The following GABBR2 variants were observed in gnomAD, a reference collection of about 807,000 sequenced individuals.
The protein encoded by GABBR2 is G-protein coupled receptor 51.
Under a neutral mutation model 105.6 loss-of-function variants are expected in GABBR2, and 23 were observed. The observed-to-expected ratio is 0.22, with a 90% CI of 0.16 to 0.31. The LOEUF (loss-of-function observed/expected upper bound fraction) is 0.31, where lower values mean the gene tolerates loss of function less well. GABBR2 is among the 10% of genes least tolerant of loss of function. The probability of loss-of-function intolerance (pLI) is 1.00; values close to 1 mark genes in which losing one functional copy is unlikely to be tolerated. For missense variants in GABBR2, 734 were observed against 1,245.5 expected (o/e 0.59, Z 6.18); for synonymous variants, 478 against 499.7 (o/e 0.96, Z 0.58).
intron 3 of GABBR2, among the ~76,000 whole-genome samples, chr9:98,501,677 C>T (rs1024791610): frequency 1.3e-5 from 2 of 152,110 alleles, no homozygotes; most frequent in Non-Finnish European, 2.9e-5. Flanking sequence ...ACCACAGGCA[C>T]GGGCTGATGG....
intron 11 of GABBR2, among the ~76,000 whole-genome samples, chr9:98,377,982 A>C (rs776995005): frequency 2.0e-5 from 3 of 152,184 alleles, no homozygotes; most frequent in Non-Finnish European, 4.4e-5. Flanking sequence ...GCATGTTACC[A>C]TGGCCAGCCA....
intron 1 of GABBR2, among the ~76,000 whole-genome samples, chr9:98,617,676 C>T (rs950423391): frequency 1.3e-5 from 2 of 152,158 alleles, no homozygotes; most frequent in Non-Finnish European, 2.9e-5. Context: ...TCTCCAGTCA[C>T]GATCCTGAGA....
intron 11 of GABBR2, among the ~76,000 whole-genome samples, chr9:98,371,807 C>A (rs956330150): frequency 2.7e-4 from 41 of 152,362 alleles, no homozygotes; most frequent in African/African-American, 9.9e-4. Flanking sequence ...TCAAACCATG[C>A]CTTAGATGGG....
At chr9:98,493,560 A>AT (rs1339481770) in intron 4 of GABBR2, among the ~76,000 whole-genome samples, 1 of 152,056 alleles carries the variant, frequency 6.6e-6, no homozygotes, top group Non-Finnish European at 1.5e-5. Flanking sequence ...CACCTTACTG[A>AT]TTTTTATATT....
At chr9:98,431,497 C>A (rs182723036) in intron 7 of GABBR2, among the ~76,000 whole-genome samples, 8 of 151,654 alleles carry the variant, frequency 5.3e-5, no homozygotes, top group African/African-American at 1.2e-4. Flanking sequence ...GAAAAAAAAA[C>A]CCACATAAGC....
chr9:98,350,068 G>A (rs1831369958), intron 13 of GABBR2, among the ~76,000 whole-genome samples: 1 of 151,470 alleles, frequency 6.6e-6, no homozygotes, highest in Non-Finnish European at 1.5e-5. Flanking sequence ...GTGATCCTCT[G>A]TATTTCTGTG....
chr9:98,700,964 T>C (rs1830822739), intron 1 of GABBR2, among the ~76,000 whole-genome samples: 1 of 152,200 alleles, frequency 6.6e-6, no homozygotes, highest in Non-Finnish European at 1.5e-5. Flanking sequence ...ATAAATAATC[T>C]TACTGTGTTA....
intron 12 of GABBR2, among the ~76,000 whole-genome samples, chr9:98,365,460 C>T (rs1015921801): frequency 2.6e-5 from 4 of 152,136 alleles, no homozygotes; most frequent in South Asian, 2.1e-4. Flanking sequence ...TGGATGGGTG[C>T]GTGGTGGGAA....
At chr9:98,412,723 T>C (rs1832611850) in intron 7 of GABBR2, among the ~76,000 whole-genome samples, 1 of 152,154 alleles carries the variant, frequency 6.6e-6, no homozygotes, top group African/African-American at 2.4e-5. Context: ...TCCCTCCAAG[T>C]TTCTGTGTAA....
intron 13 of GABBR2, among the ~76,000 whole-genome samples, chr9:98,334,468 A>C (rs1055443893): frequency 2.0e-5 from 3 of 152,208 alleles, no homozygotes; most frequent in African/African-American, 4.8e-5. Flanking sequence ...ACTCAGCTTT[A>C]GTTTCCTCTG....
At position 98,389,993 on chromosome 9, in the gene GABBR2, A is replaced by G. The variant is rs74640645; in HGVS notation, c.1379-989T>C. ...TCTCTTCCCAGGAGACAAGCAGGAAAGGGGCAGATGTGGTAGCAGGGAGTG... is the reference window on the plus strand; with the variant it reads ...TCTCTTCCCAGGAGACAAGCAGGAAGGGGGCAGATGTGGTAGCAGGGAGTG... On this transcript the variant is annotated intron_variant, in intron 9 of 18. Coordinates refer to ENST00000259455, the MANE Select transcript of GABBR2 (RefSeq NM_005458.8). Among the ~76,000 whole-genome samples, 78 of 152,234 alleles carry G rather than the reference A, an allele frequency of 5.1e-4. No individual in the cohort carries two copies. The East Asian group carries it at 0.015, about 28-fold the overall frequency.
chr9:98,577,373 G>C lies in GABBR2; in HGVS notation c.459+562C>G, dbSNP rs554038532. Among the ~76,000 whole-genome samples the C allele has an allele frequency of 1.3e-4, 20 of 152,350 alleles. 1 individual carries two copies. In the South Asian group the frequency reaches 3.9e-3, roughly 30 times the overall value. ...TATATATGTTGGTGGAGCATTCAAT[G>C]ATGTATAAAATCTGCCAGGGCAAAG... On this transcript the variant is annotated intron_variant, in intron 2 of 18. Coordinates refer to ENST00000259455, the MANE Select transcript of GABBR2 (RefSeq NM_005458.8).
chr9:98,291,941 G>T (rs1647495761), intron 18 of GABBR2, among the ~76,000 whole-genome samples: 1 of 152,212 alleles, frequency 6.6e-6, no homozygotes, highest in African/African-American at 2.4e-5. Context: ...AGCTGGGTGT[G>T]GGTTAGCACG....
intron 6 of GABBR2, among the ~76,000 whole-genome samples, chr9:98,457,000 T>A (rs1826335537): frequency 6.6e-6 from 1 of 152,264 alleles, no homozygotes; most frequent in Non-Finnish European, 1.5e-5. Flanking sequence ...CATCTTTTAC[T>A]ACTTGGCTGT....
rs181220404 is a variant in GABBR2 at position 98,465,478 on chromosome 9, T to G, written c.999+7668A>C. Among the ~76,000 whole-genome samples, 588 of 152,288 alleles carry G rather than the reference T, an allele frequency of 3.9e-3. 9 individuals are homozygous for G. The highest frequency in any genetic ancestry group is 2.8e-3 in the Non-Finnish European group (193 of 68,028). ...GGAAAATATCTTCATAGCCTTTGAGTGGGTTCTATTAAAGAATTTCTGTTC... is the reference window on the plus strand; with the variant it reads ...GGAAAATATCTTCATAGCCTTTGAGGGGGTTCTATTAAAGAATTTCTGTTC... On this transcript the variant is annotated intron_variant, in intron 6 of 18. Coordinates refer to ENST00000259455, the MANE Select transcript of GABBR2 (RefSeq NM_005458.8).
intron 1 of GABBR2, among the ~76,000 whole-genome samples, chr9:98,584,729 C>T (rs765092692): frequency 2.0e-5 from 3 of 152,054 alleles, no homozygotes; most frequent in Non-Finnish European, 4.4e-5. Context: ...TTAATAACAA[C>T]CCATCTGAAA....
intron 5 of GABBR2, among the ~76,000 whole-genome samples, chr9:98,477,115 G>A (rs1252612129): frequency 6.6e-6 from 1 of 152,092 alleles, no homozygotes; most frequent in Admixed American, 6.5e-5. Context: ...GGGAGGGTGG[G>A]GCCATGCCAG....
At chr9:98,328,735 A>C (rs1284037003) in intron 13 of GABBR2, among the ~76,000 whole-genome samples, 1 of 152,194 alleles carries the variant, frequency 6.6e-6, no homozygotes, top group Non-Finnish European at 1.5e-5. Flanking sequence ...TACTGCAGAC[A>C]TACCAATGAG....
chr9:98,299,269 C>T lies in GABBR2; in HGVS notation c.2497G>A (p.Glu833Lys), dbSNP rs1369050795. 1 of 1,614,112 alleles carries T rather than the reference C, an allele frequency of 6.2e-7. No homozygotes were observed. Among genetic ancestry groups the T allele is most frequent in the Admixed American group, 1.7e-5 (1 of 60,026 alleles). ...TTYIKQNHYQ[E>K]LNDILNLGNF... ...CCCAGGTTGAGGATGTCATTGAGCTCTTGGTAGTGGTTCTGTTTAATGTAG... is the reference window on the plus strand; with the variant it reads ...CCCAGGTTGAGGATGTCATTGAGCTTTTGGTAGTGGTTCTGTTTAATGTAG... Residue 833 changes from glutamate (E) to lysine (K), a missense_variant, in exon 17 of 19, where the codon GAG (glutamate) becomes AAG (lysine). Glu to Lys is a moderately conservative substitution (Grantham distance 56). This residue lies in a region of GABBR2 where 134 missense variants were observed against 171.2 expected (regional missense o/e 0.78). Coordinates refer to ENST00000259455, the MANE Select transcript of GABBR2 (RefSeq NM_005458.8).
Sources: gnomAD v4.1 joint callset for allele counts (sites outside exome capture counted in the v4.1 genomes callset) on GRCh38, gnomAD v4.1.1 for gene constraint, gnomAD v4.1.1 regional missense constraint, MANE v1.5 for transcripts, NCBI Gene and HGNC (gene_info 2026-07-23, HGNC 2026-07-21) for gene names.